TENM2: variants seen among roughly 807,000 people sequenced by gnomAD.
TENM2 encodes teneurin-2.
In TENM2, 52 loss-of-function variants were observed where a neutral mutation model predicts 245.2. That is an observed-to-expected ratio of 0.21 (90% CI 0.17 to 0.27). The LOEUF is 0.27. TENM2 is among the 10% of genes least tolerant of loss of function. The pLI, the probability that TENM2 is intolerant of heterozygous loss-of-function variation, is 1.00. For synonymous variants in TENM2, 1,363 were observed against 1,438.9 expected, an observed-to-expected ratio of 0.95 and a Z score of 1.19; for missense variants, 3,046 against 3,666.8, an observed-to-expected ratio of 0.83 and a Z score of 4.37.
intron 13 of TENM2, among the ~76,000 whole-genome samples, chr5:168,189,034 C>T (rs574417860): frequency 3.3e-5 from 5 of 152,182 alleles, no homozygotes; most frequent in South Asian, 2.1e-4. Context: ...CTGGTGAGGC[C>T]CTGATTCTTG....
At chr5:167,602,474 T>G (rs149948725) in intron 2 of TENM2, among the ~76,000 whole-genome samples, 2,606 of 152,264 alleles carry the variant, frequency 0.017, 41 homozygotes, top group Non-Finnish European at 0.026. Context: ...AAAATATTTC[T>G]CTATCAATTT....
chr5:166,983,015 A>G, the TENM2 span, among the ~76,000 whole-genome samples: 1 of 152,208 alleles, frequency 6.6e-6, no homozygotes, highest in East Asian at 1.9e-4. Context: ...GAATGTTCAC[A>G]TTGTTCAGTA....
Position 167,298,893 on chromosome 5 carries a change from G to A in TENM2, c.226+13830G>A, listed in dbSNP as rs545036137. On this transcript the variant is annotated intron_variant, in intron 1 of 28. Coordinates refer to ENST00000518659, the Ensembl canonical transcript of TENM2. ...TATGAGTAGTTGAGAACGGTGAATAGGAGTGTGACTAGACAGAAGATAGTA... is the reference window on the plus strand; with the variant it reads ...TATGAGTAGTTGAGAACGGTGAATAAGAGTGTGACTAGACAGAAGATAGTA... Among the ~76,000 whole-genome samples the A allele has an allele frequency of 2.6e-5, 4 of 152,340 alleles. No homozygotes were observed. The East Asian group carries it at 5.8e-4, about 22-fold the overall frequency.
At chr5:167,587,053 C>T (rs1011723711) in intron 2 of TENM2, among the ~76,000 whole-genome samples, 1 of 152,160 alleles carries the variant, frequency 6.6e-6, no homozygotes, top group African/African-American at 2.4e-5. Flanking sequence ...ATTACCATCC[C>T]ATTAGAGAGT....
chr5:167,270,568 C>T, the TENM2 span, among the ~76,000 whole-genome samples: 2 of 152,082 alleles, frequency 1.3e-5, no homozygotes, highest in Non-Finnish European at 2.9e-5. Context: ...ATCTTAGAGG[C>T]ACTCGAATAT....
At chr5:167,213,913 C>A in the TENM2 span, among the ~76,000 whole-genome samples, 8 of 152,204 alleles carry the variant, frequency 5.3e-5, no homozygotes, top group African/African-American at 9.6e-5. Flanking sequence ...CACTGCAAAG[C>A]TGATGGCCAA....
At chr5:168,039,224 G>A (rs368288354) in intron 5 of TENM2, among the ~76,000 whole-genome samples, 9 of 152,148 alleles carry the variant, frequency 5.9e-5, no homozygotes, top group Admixed American at 4.6e-4. Flanking sequence ...TCTGGTGGCC[G>A]CGTGCCACGT....
At chr5:167,510,886 C>G (rs1161756998) in intron 2 of TENM2, among the ~76,000 whole-genome samples, 1 of 151,888 alleles carries the variant, frequency 6.6e-6, no homozygotes, top group South Asian at 2.1e-4. Flanking sequence ...TAAATCATAG[C>G]TTTTTGTCAT....
At chr5:167,219,470 A>G in the TENM2 span, among the ~76,000 whole-genome samples, 1 of 152,194 alleles carries the variant, frequency 6.6e-6, no homozygotes, top group African/African-American at 2.4e-5. Flanking sequence ...AACAGGCAAT[A>G]CTGTGCAAAG....
the TENM2 span, among the ~76,000 whole-genome samples, chr5:167,061,577 G>A: frequency 3.7e-4 from 57 of 152,254 alleles, no homozygotes; most frequent in African/African-American, 1.2e-3. Flanking sequence ...GATGGCCACA[G>A]TAATTTTTCT....
chr5:167,040,614 GA>G, the TENM2 span, among the ~76,000 whole-genome samples: 3 of 151,820 alleles, frequency 2.0e-5, no homozygotes, highest in Non-Finnish European at 4.4e-5. Context: ...ATCTGGTTTT[GA>G]AAAAAACCCT....
At chr5:168,112,337 C>T (rs536589220) in intron 9 of TENM2, among the ~76,000 whole-genome samples, 8 of 152,110 alleles carry the variant, frequency 5.3e-5, no homozygotes, top group East Asian at 3.9e-4. Flanking sequence ...TTAAGCCTAG[C>T]GCCCACTAGT....
chr5:168,044,489 T>C (rs1440362935), intron 5 of TENM2, among the ~76,000 whole-genome samples: 1 of 152,206 alleles, frequency 6.6e-6, no homozygotes, highest in Non-Finnish European at 1.5e-5. Flanking sequence ...TTTTATCCCA[T>C]CTTCTATGCC....
At chr5:167,658,263 G>A (rs1301742212) in intron 2 of TENM2, among the ~76,000 whole-genome samples, 1 of 150,720 alleles carries the variant, frequency 6.6e-6, no homozygotes, top group Non-Finnish European at 1.5e-5. Flanking sequence ...AGGCTGGAGT[G>A]TAATGCACAA....
intron 23 of TENM2, 51 bp downstream of exon 25, chr5:168,219,050 G>C: frequency 1.3e-6 from 2 of 1,563,308 alleles, no homozygotes; most frequent in East Asian, 4.5e-5. Flanking sequence ...TGCCCTAGCT[G>C]GCATTAGGAC....
At chr5:167,699,480 T>G (rs1219360181) in intron 2 of TENM2, among the ~76,000 whole-genome samples, 1 of 152,198 alleles carries the variant, frequency 6.6e-6, no homozygotes, top group Admixed American at 6.5e-5. Context: ...AAGACCTCTT[T>G]CCACATCCCC....
intron 1 of TENM2, among the ~76,000 whole-genome samples, chr5:167,343,586 G>A (rs1355239153): frequency 6.6e-6 from 1 of 152,118 alleles, no homozygotes; most frequent in Non-Finnish European, 1.5e-5. Context: ...GCCATACTTT[G>A]TTTTAGTTCA....
At chr5:168,235,096 C>T (rs1221839326) in intron 25 of TENM2, among the ~76,000 whole-genome samples, 1 of 152,208 alleles carries the variant, frequency 6.6e-6, no homozygotes, top group African/African-American at 2.4e-5. Flanking sequence ...GTGGAGCCCA[C>T]TCAAGCCGGT....
chr5:167,718,503 T>C (rs1759413698), intron 2 of TENM2, among the ~76,000 whole-genome samples: 2 of 152,284 alleles, frequency 1.3e-5, no homozygotes, highest in Admixed American at 1.3e-4. Flanking sequence ...GATGAACAAG[T>C]TCAGGATGAG....
Sources: gnomAD v4.1 joint callset for allele counts (sites outside exome capture counted in the v4.1 genomes callset) on GRCh38, gnomAD v4.1.1 for gene constraint, MANE v1.5 for transcripts, NCBI Gene and HGNC (gene_info 2026-07-23, HGNC 2026-07-21) for gene names.